Variants in CSMD1 observed in about 807,000 individuals in gnomAD.
CSMD1 encodes the protein CUB and Sushi multiple domains 1, also known as CUB and sushi domain-containing protein 1.
CSMD1 carries 213 observed loss-of-function variants against 417.5 expected under a neutral mutation model. The observed-to-expected ratio is 0.51, with a 90% CI of 0.46 to 0.57. The LOEUF is 0.57. Ranked by LOEUF, CSMD1 falls within the 20% of genes least tolerant of loss-of-function variation. CSMD1 has a pLI of 0.00. For missense variants in CSMD1, 6,923 were observed against 4,529.7 expected (o/e 1.53, Z -15.17); for synonymous variants, 2,862 against 1,736.8 (o/e 1.65, Z -16.11).
intron 1 of CSMD1, among the ~76,000 whole-genome samples, chr8:4,897,052 G>C (rs1323923190): frequency 1.3e-5 from 2 of 152,040 alleles, no homozygotes; most frequent in African/African-American, 4.8e-5. Context: ...TAAAACTCAG[G>C]AGTAAAATCA....
At chr8:4,026,714 G>C (rs1193003729) in intron 4 of CSMD1, among the ~76,000 whole-genome samples, 1 of 152,148 alleles carries the variant, frequency 6.6e-6, no homozygotes, top group African/African-American at 2.4e-5. Context: ...GAGAGATCAA[G>C]GGACTTCTTT....
intron 11 of CSMD1, among the ~76,000 whole-genome samples, chr8:3,484,411 T>C (rs967494130): frequency 2.6e-5 from 4 of 152,198 alleles, no homozygotes; most frequent in African/African-American, 9.7e-5. Flanking sequence ...TCAACCTCTG[T>C]CTCATGCCAT....
At chr8:4,047,789 T>A (rs1395079624) in intron 3 of CSMD1, among the ~76,000 whole-genome samples, 1 of 152,108 alleles carries the variant, frequency 6.6e-6, no homozygotes, top group Non-Finnish European at 1.5e-5. Flanking sequence ...AGAATGCAAT[T>A]TTACATTAGG....
At chr8:3,271,020 T>C (rs1247753215) in intron 26 of CSMD1, among the ~76,000 whole-genome samples, 1 of 151,958 alleles carries the variant, frequency 6.6e-6, no homozygotes, top group African/African-American at 2.4e-5. Context: ...GCTGGTGCGC[T>C]GCACCCACTA....
chr8:3,962,807 A>G (rs1812419222), intron 5 of CSMD1, among the ~76,000 whole-genome samples: 1 of 152,188 alleles, frequency 6.6e-6, no homozygotes, highest in East Asian at 1.9e-4. Flanking sequence ...CATTGAGGGC[A>G]ATAAGTTTCT....
intron 12 of CSMD1, among the ~76,000 whole-genome samples, chr8:3,420,516 G>C (rs947346644): frequency 6.6e-6 from 1 of 151,860 alleles, no homozygotes; most frequent in African/African-American, 2.4e-5. Context: ...ACGATATAAA[G>C]TATTAAATAT....
At chr8:4,686,274 C>G (rs1424704944) in intron 1 of CSMD1, among the ~76,000 whole-genome samples, 1 of 152,200 alleles carries the variant, frequency 6.6e-6, no homozygotes, top group South Asian at 2.1e-4. Context: ...GGAATGCTTT[C>G]TTTTCAACGG....
intron 1 of CSMD1, among the ~76,000 whole-genome samples, chr8:4,940,320 T>C (rs1212584096): frequency 2.0e-5 from 3 of 152,246 alleles, no homozygotes; most frequent in Admixed American, 2.0e-4. Flanking sequence ...TCTGAATTAT[T>C]TTCTGACGTG....
intron 1 of CSMD1, among the ~76,000 whole-genome samples, chr8:4,812,100 G>A (rs556964877): frequency 5.3e-5 from 8 of 152,268 alleles, no homozygotes; most frequent in African/African-American, 1.9e-4. Context: ...CTACGCAGCT[G>A]GACAGGAGTC....
chr8:2,974,749 T>C, intron 55 of CSMD1, 125 bp from the exon 56 acceptor site: 1 of 552,112 alleles, frequency 1.8e-6, no homozygotes, highest in Non-Finnish European at 2.8e-6. Flanking sequence ...AATATTCTGG[T>C]ACTTATGTAA....
Position 4,146,029 on chromosome 8 carries a change from T to C in CSMD1, c.416-113930A>G, listed in dbSNP as rs1804097149. On this transcript the variant is annotated intron_variant, in intron 3 of 69. Coordinates refer to ENST00000635120, the MANE Select transcript of CSMD1 (RefSeq NM_033225.6). ...AACTAGGTATTCAAAAAAAATCTGT[T>C]GGGGAGTGAACACTTAGCAACATTG... is the stretch of plus-strand genomic sequence containing the variant. 1.3e-5 allele frequency among the ~76,000 whole-genome samples: 2 copies of C among 150,870 alleles called. 1 individual carries two copies. The highest frequency in any genetic ancestry group is 5.0e-5 in the African/African-American group (2 of 40,250).
intron 5 of CSMD1, among the ~76,000 whole-genome samples, chr8:3,960,160 A>G (rs1229485141): frequency 6.6e-6 from 1 of 152,190 alleles, no homozygotes; most frequent in East Asian, 1.9e-4. Context: ...TTTACAGCGT[A>G]TCTTCTTGTA....
intron 2 of CSMD1, among the ~76,000 whole-genome samples, chr8:4,534,357 A>C (rs140527859): frequency 6.6e-6 from 1 of 152,216 alleles, no homozygotes; most frequent in African/African-American, 2.4e-5. Flanking sequence ...TTTTGCTATA[A>C]ACCTCTGCCT....
At chr8:4,287,618 A>G (rs1026422370) in intron 3 of CSMD1, among the ~76,000 whole-genome samples, 2 of 151,090 alleles carry the variant, frequency 1.3e-5, no homozygotes, top group Non-Finnish European at 2.9e-5. Context: ...ACTTTACATA[A>G]CCTTAATTAA....
chr8:3,450,706 G>C (rs1815649133), intron 12 of CSMD1, among the ~76,000 whole-genome samples: 1 of 152,074 alleles, frequency 6.6e-6, no homozygotes, highest in South Asian at 2.1e-4. Flanking sequence ...TCTTAATCCA[G>C]TCTATCATTG....
intron 2 of CSMD1, among the ~76,000 whole-genome samples, chr8:4,616,204 G>T (rs1406153203): frequency 1.3e-5 from 2 of 152,034 alleles, no homozygotes; most frequent in African/African-American, 4.8e-5. Context: ...CTTTTTTGAA[G>T]TTCCGCACTT....
At chr8:3,515,631 G>A (rs1410304432) in intron 10 of CSMD1, among the ~76,000 whole-genome samples, 1 of 152,182 alleles carries the variant, frequency 6.6e-6, no homozygotes, top group Non-Finnish European at 1.5e-5. Flanking sequence ...TACTTGGCAG[G>A]CCACTGGAAA....
At chr8:3,065,207 TGATA>T (rs1812843235) in intron 49 of CSMD1, among the ~76,000 whole-genome samples, 1 of 151,888 alleles carries the variant, frequency 6.6e-6, no homozygotes, top group African/African-American at 2.4e-5. Context: ...AGATATATAG[TGATA>T]GATAAATGAC....
rs73660052 is a variant in CSMD1, at chr8:3,488,606, G to A, written c.1448+5017C>T. Among the ~76,000 whole-genome samples, 396 of 152,278 alleles carry A rather than the reference G, an allele frequency of 2.6e-3. 4 individuals carry two copies. Among genetic ancestry groups the A allele is most frequent in the African/African-American group, 9.2e-3 (381 of 41,548 alleles). On this transcript the variant is annotated intron_variant, in intron 11 of 69. Transcript: ENST00000635120. ...TAGGCTAATTCCTCCTCAAGGCTAG[G>A]ACAATGGCTTATTCTCTCTCTGCCT...
Sources: allele counts gnomAD v4.1 joint callset (sites outside exome capture counted in the v4.1 genomes callset), GRCh38; gene constraint gnomAD v4.1.1; transcripts MANE v1.5; gene names NCBI Gene and HGNC (gene_info 2026-07-23, HGNC 2026-07-21).